The following SEPTIN11 variants were observed in gnomAD, a reference collection of about 807,000 sequenced individuals.
SEPTIN11 encodes the protein septin 11.
SEPTIN11 carries 25 observed loss-of-function variants against 51.4 expected under a neutral mutation model. The ratio of observed to expected loss-of-function variants is 0.49; its 90% CI spans 0.35 to 0.68. The LOEUF is 0.68. Among genes scored for constraint, SEPTIN11 ranks in the 30% least tolerant of loss-of-function variants. The pLI, the probability that SEPTIN11 is intolerant of heterozygous loss-of-function variation, is 0.00. For missense variants in SEPTIN11, 381 were observed against 520.8 expected (o/e 0.73, Z 2.61); for synonymous variants, 174 against 184.1 (o/e 0.95, Z 0.44).
intron 8 of SEPTIN11, 115 bp from the exon 9 acceptor site, chr4:77,030,668 T>A (rs1025984782): frequency 2.2e-6 from 2 of 929,052 alleles, no homozygotes; most frequent in Non-Finnish European, 3.2e-6. Flanking sequence ...GTGCTGAAAT[T>A]ACAGGCGTGA....
chr4:76,974,486 G>T, intron 1 of SEPTIN11: 1 of 208,314 alleles, frequency 4.8e-6, no homozygotes, highest in Non-Finnish European at 9.8e-6. Flanking sequence ...AGAGAAAGAA[G>T]CCAAGACCCA....
Position 76,984,582 on chromosome 4 carries a change from A to G in SEPTIN11, c.28-11843A>G, listed in dbSNP as rs1166501497. On this transcript the variant is annotated intron_variant, in intron 1 of 9. Transcript: ENST00000264893. This position sits in a 1 kb window ranked among gnomAD's most constrained non-coding sequence, Gnocchi z 4.1. ...TCTCAAACAGGAAATACTGAGGAATAGATGTGTGAATATGAGTAGCACAGG... is the reference window on the plus strand; with the variant it reads ...TCTCAAACAGGAAATACTGAGGAATGGATGTGTGAATATGAGTAGCACAGG... Among the ~76,000 whole-genome samples the G allele has an allele frequency of 6.6e-6, 1 of 152,238 alleles. No homozygotes were observed. The highest frequency in any genetic ancestry group is 1.5e-5 in the Non-Finnish European group (1 of 68,044).
intron 3 of SEPTIN11, among the ~76,000 whole-genome samples, chr4:77,008,720 A>C (rs1475623608): frequency 1.3e-5 from 2 of 152,196 alleles, no homozygotes. Context: ...TATGGAAAAA[A>C]AAATGAGTGC....
At chr4:76,991,893 CAAAT>C (rs1423460552) in intron 1 of SEPTIN11, among the ~76,000 whole-genome samples, 2 of 151,940 alleles carry the variant, frequency 1.3e-5, no homozygotes, top group African/African-American at 2.4e-5. Flanking sequence ...TTTGAATGAA[CAAAT>C]AAATAATTGT....
intron 1 of SEPTIN11, among the ~76,000 whole-genome samples, chr4:76,962,204 G>T (rs1359061525): frequency 6.6e-6 from 1 of 152,134 alleles, no homozygotes; most frequent in Non-Finnish European, 1.5e-5. Flanking sequence ...GATGCCTGTG[G>T]GTTTGTGCTG....
chr4:76,974,926 C>T, intron 1 of SEPTIN11: 1 of 450,292 alleles, frequency 2.2e-6, no homozygotes, highest in Non-Finnish European at 4.4e-6. Context: ...AGTTCAAGAC[C>T]AGCCTGGCCA....
chr4:76,980,300 TTGTC>T (rs1722707834), intron 1 of SEPTIN11, among the ~76,000 whole-genome samples: 1 of 152,200 alleles, frequency 6.6e-6, no homozygotes, highest in African/African-American at 2.4e-5. Flanking sequence ...CTTCACAAGT[TTGTC>T]TGTCCAAACA....
chr4:76,966,481 A>T (rs754662443), intron 1 of SEPTIN11, among the ~76,000 whole-genome samples: 125 of 150,664 alleles, frequency 8.3e-4, no homozygotes, highest in African/African-American at 2.8e-3. Context: ...TTTTTTTTTT[A>T]ATGTATAAAG....
Position 77,034,825 on chromosome 4 carries a change from G to GC in SEPTIN11, c.*313_*314insC. On this transcript the variant is annotated 3_prime_UTR_variant, in exon 10 of 10. Transcript: ENST00000264893. ...TGTATGTCGCTTTGGACAGAGGAAA[G>GC]TGGGGTAAAATGCTACCTGTACGTC... 9.4e-7 allele frequency: 1 copy of GC among 1,066,258 alleles called. No homozygotes were observed. The highest frequency in any genetic ancestry group is 1.1e-6 in the Non-Finnish European group (1 of 882,638). The allele number at this position is 1,066,258 out of a possible 1,614,324, so 66.0% of individuals were successfully genotyped here.
intron 1 of SEPTIN11, among the ~76,000 whole-genome samples, chr4:76,956,994 G>GTGTGTGTGTGTGTGTGTGAC (rs1491108860): frequency 1.4e-5 from 1 of 71,172 alleles, no homozygotes; most frequent in Non-Finnish European, 3.0e-5. Flanking sequence ...GTGTGTGTGT[G>GTGTGTGTGTGTGTGTGTGAC]AGAGAGAGAG....
chr4:76,971,802 G>A (rs1722257766), intron 1 of SEPTIN11, among the ~76,000 whole-genome samples: 1 of 152,140 alleles, frequency 6.6e-6, no homozygotes, highest in African/African-American at 2.4e-5. Context: ...AAACTTTGGA[G>A]CTATTCATTG....
chr4:76,965,084 C>T (rs181120523), intron 1 of SEPTIN11, among the ~76,000 whole-genome samples: 6 of 152,146 alleles, frequency 3.9e-5, no homozygotes, highest in Non-Finnish European at 7.4e-5. Context: ...CAGAGATATG[C>T]CTAAGTCTGC....
In SEPTIN11 at chr4:77,000,174, T is replaced by A. The variant is rs375934802; in HGVS notation, c.142+3635T>A. Reference sequence around the variant, plus strand: ...TAGTAGAGTCAAAGTAAATTAGTAATACATTTTGAAATAGAAAATTTGTCC... The same window carrying A: ...TAGTAGAGTCAAAGTAAATTAGTAAAACATTTTGAAATAGAAAATTTGTCC... On this transcript the variant is annotated intron_variant, in intron 2 of 9. Transcript: ENST00000264893. 3.3e-4 allele frequency among the ~76,000 whole-genome samples: 50 copies of A among 152,352 alleles called. 1 individual carries two copies. The highest frequency in any genetic ancestry group is 1.2e-3 in the African/African-American group (48 of 41,598).
intron 1 of SEPTIN11, among the ~76,000 whole-genome samples, chr4:76,954,068 G>A (rs1184950938): frequency 6.6e-6 from 1 of 152,182 alleles, no homozygotes; most frequent in Non-Finnish European, 1.5e-5. Context: ...GTTTGGGCAT[G>A]GGCCATCCTA....
intron 8 of SEPTIN11, among the ~76,000 whole-genome samples, chr4:77,029,492 T>C (rs1022655764): frequency 5.3e-5 from 8 of 152,178 alleles, no homozygotes; most frequent in Admixed American, 2.0e-4. Context: ...ATTTATTTTG[T>C]CTAAAAACTA....
chr4:76,967,058 G>C (rs1722063187), intron 1 of SEPTIN11, among the ~76,000 whole-genome samples: 1 of 151,742 alleles, frequency 6.6e-6, no homozygotes, highest in African/African-American at 2.4e-5. Context: ...TTAGCCAGGT[G>C]TGGTGGCTCA....
At chr4:76,990,254 G>A (rs1013842834) in intron 1 of SEPTIN11, among the ~76,000 whole-genome samples, 3 of 152,126 alleles carry the variant, frequency 2.0e-5, no homozygotes, top group Admixed American at 1.3e-4. Flanking sequence ...GTACTGATTG[G>A]TGTGTTTTTA....
At chr4:76,966,793 GT>G in intron 1 of SEPTIN11, among the ~76,000 whole-genome samples, 1 of 152,174 alleles carries the variant, frequency 6.6e-6, no homozygotes, top group African/African-American at 2.4e-5. Context: ...GAGTCTGGGA[GT>G]TTCAGGCTGC....
chr4:77,015,893 G>A (rs1578186524), intron 5 of SEPTIN11, among the ~76,000 whole-genome samples: 1 of 152,254 alleles, frequency 6.6e-6, no homozygotes, highest in Non-Finnish European at 1.5e-5. Flanking sequence ...ATCACCAAGG[G>A]GTTTTGGTCC....
Sources: gnomAD v4.1 joint callset for allele counts (sites outside exome capture counted in the v4.1 genomes callset) on GRCh38, gnomAD v4.1.1 for gene constraint, Gnocchi (gnomAD v3.1) non-coding constraint, MANE v1.5 for transcripts, NCBI Gene and HGNC (gene_info 2026-07-23, HGNC 2026-07-21) for gene names.